MBIP: variants seen among roughly 807,000 people sequenced by gnomAD.
MBIP encodes MAP3K12 binding inhibitory protein 1.
A neutral mutation model predicts 45.7 loss-of-function variants in MBIP; 32 were observed. The observed-to-expected ratio is 0.70, with a 90% CI of 0.53 to 0.94. The LOEUF is 0.94. Among genes scored for constraint, MBIP ranks in the 40% least tolerant of loss-of-function variants. MBIP has a pLI of 0.00. For synonymous variants in MBIP, 145 were observed against 141.0 expected (o/e 1.03, Z -0.20); for missense variants, 381 against 405.5 (o/e 0.94, Z 0.52).
intron 7 of MBIP, among the ~76,000 whole-genome samples, chr14:36,306,514 C>T (rs756612238): frequency 3.3e-5 from 5 of 152,094 alleles, no homozygotes; most frequent in Non-Finnish European, 7.4e-5. Flanking sequence ...CTCTGGTGAT[C>T]CGCCCACCTT....
chr14:36,299,322 TAATCTTA>T (rs1488024249), intron 8 of MBIP, 132 bp from the exon 9 acceptor site: 45 of 626,188 alleles, frequency 7.2e-5, no homozygotes, highest in Non-Finnish European at 1.1e-4. Flanking sequence ...CTCATGAGAA[TAATCTTA>T]AAACTGAGCA....
At chr14:36,310,931 A>G (rs1439538890) in intron 6 of MBIP, among the ~76,000 whole-genome samples, 3 of 152,228 alleles carry the variant, frequency 2.0e-5, no homozygotes, top group Non-Finnish European at 4.4e-5. Context: ...TGAGCTTTAG[A>G]AAAAGCAATC....
intron 2 of MBIP, 160 bp from the exon 3 acceptor site, chr14:36,315,075 A>G (rs946307915): frequency 1.6e-5 from 9 of 568,794 alleles, no homozygotes; most frequent in African/African-American, 9.4e-5. Context: ...CTGACCACAT[A>G]TAAGTACTCA....
chr14:36,314,768 T>C lies in MBIP; in HGVS notation c.397A>G (p.Ser133Gly), dbSNP rs1426404255. Residue 133 changes from serine (S) to glycine (G), a missense_variant, in exon 3 of 9, where the codon AGT (serine) becomes GGT (glycine). Ser to Gly is a moderately conservative substitution (Grantham distance 56, BLOSUM62 0). Transcript: ENST00000416007. ...GTCTTTTTCACATCTCTTAAATCACTTTCTTTGTGCTTTTCTTCCTCTTGT... is the reference window on the plus strand; with the variant it reads ...GTCTTTTTCACATCTCTTAAATCACCTTCTTTGTGCTTTTCTTCCTCTTGT... The part of the protein sequence containing the change: ...DLQEEEKHKE[S>G]DLRDVKKTQI... 6.2e-7 allele frequency: 1 copy of C among 1,613,720 alleles called. No individual in the cohort carries two copies. The highest frequency in any genetic ancestry group is 8.5e-7 in the Non-Finnish European group (1 of 1,179,768).
intron 7 of MBIP, among the ~76,000 whole-genome samples, chr14:36,301,607 C>G (rs2025603): frequency 0.81 from 123,596 of 151,986 alleles, 53,639 homozygotes; most frequent in East Asian, 0.96. Context: ...AACCTGTTTT[C>G]TCACAATTAT....
intron 8 of MBIP, 75 bp downstream of exon 8, chr14:36,300,710 A>G (rs1034077182): frequency 1.8e-6 from 2 of 1,133,680 alleles, no homozygotes; most frequent in Non-Finnish European, 2.5e-6. Context: ...ACCATAGTAG[A>G]AACTTTTATT....
intron 7 of MBIP, among the ~76,000 whole-genome samples, chr14:36,307,570 G>A (rs1389438813): frequency 2.0e-5 from 3 of 152,184 alleles, no homozygotes; most frequent in African/African-American, 7.2e-5. Context: ...GGAAAACGGG[G>A]TAAGAATGAA....
At chr14:36,314,337 C>T (rs1880408792) in intron 4 of MBIP, 175 bp downstream of exon 4, 3 of 494,824 alleles carry the variant, frequency 6.1e-6, no homozygotes, top group South Asian at 3.8e-5. Flanking sequence ...AACCAGTTTG[C>T]AATATAGTCT....
At chr14:36,302,163 TC>T (rs1308628113) in intron 7 of MBIP, among the ~76,000 whole-genome samples, 3 of 152,186 alleles carry the variant, frequency 2.0e-5, no homozygotes. Flanking sequence ...TCTCCTAACT[TC>T]CTAAGAGGTG....
At chr14:36,308,790 CCA>C (rs566008178) in intron 6 of MBIP, among the ~76,000 whole-genome samples, 23 of 152,286 alleles carry the variant, frequency 1.5e-4, no homozygotes, top group African/African-American at 5.5e-4. Flanking sequence ...CTGGTCCAGA[CCA>C]CTTCCACCTC....
intron 2 of MBIP, among the ~76,000 whole-genome samples, chr14:36,315,389 A>G (rs1382393216): frequency 2.0e-5 from 3 of 152,096 alleles, no homozygotes; most frequent in African/African-American, 4.8e-5. Context: ...TCACTGTATC[A>G]CTGGAGATTC....
intron 1 of MBIP, 153 bp downstream of exon 1, chr14:36,320,307 G>A (rs1880815932): frequency 5.9e-6 from 6 of 1,011,242 alleles, no homozygotes; most frequent in East Asian, 5.1e-5. Context: ...TCCGACCGAG[G>A]AGGCTGGGCC....
chr14:36,306,876 C>A (rs1594511991), intron 7 of MBIP, among the ~76,000 whole-genome samples: 1 of 152,120 alleles, frequency 6.6e-6, no homozygotes, highest in African/African-American at 2.4e-5. Flanking sequence ...GTGAAAAGAC[C>A]TTTGTAATTA....
chr14:36,319,312 T>A (rs887335857), intron 1 of MBIP, among the ~76,000 whole-genome samples: 1 of 152,170 alleles, frequency 6.6e-6, no homozygotes, highest in Non-Finnish European at 1.5e-5. Flanking sequence ...AAGAATGGAA[T>A]GTTAATAACA....
At chr14:36,306,465 G>A (rs1253219975) in intron 7 of MBIP, among the ~76,000 whole-genome samples, 3 of 151,964 alleles carry the variant, frequency 2.0e-5, no homozygotes, top group African/African-American at 7.3e-5. Context: ...TAGAGATGGG[G>A]TTTCTCCATG....
At chr14:36,306,383 T>C (rs1353184617) in intron 7 of MBIP, among the ~76,000 whole-genome samples, 3 of 152,206 alleles carry the variant, frequency 2.0e-5, no homozygotes, top group African/African-American at 7.2e-5. Context: ...GCCTCCCAAG[T>C]AGCTGGGATT....
At chr14:36,299,805 T>C (rs1237677801) in intron 8 of MBIP, among the ~76,000 whole-genome samples, 3 of 152,206 alleles carry the variant, frequency 2.0e-5, no homozygotes, top group African/African-American at 7.2e-5. Context: ...TCTTTTACCT[T>C]CCAATAAAAA....
intron 7 of MBIP, among the ~76,000 whole-genome samples, chr14:36,304,613 T>A (rs1450162131): frequency 2.0e-5 from 3 of 152,228 alleles, no homozygotes; most frequent in Non-Finnish European, 4.4e-5. Flanking sequence ...CCATGGCTAA[T>A]GTGAAGAATA....
At chr14:36,318,910 G>A (rs1240408788) in intron 1 of MBIP, among the ~76,000 whole-genome samples, 1 of 151,970 alleles carries the variant, frequency 6.6e-6, no homozygotes, top group Admixed American at 6.5e-5. Flanking sequence ...TCAAAATATA[G>A]AGTATTATGA....
Sources: allele counts gnomAD v4.1 joint callset (sites outside exome capture counted in the v4.1 genomes callset), GRCh38; gene constraint gnomAD v4.1.1; transcripts MANE v1.5; gene names NCBI Gene and HGNC (gene_info 2026-07-23, HGNC 2026-07-21).